PAK2: variants seen among roughly 807,000 people sequenced by gnomAD.
PAK2 encodes the protein serine/threonine-protein kinase PAK 2.
Under a neutral mutation model 65.9 loss-of-function variants are expected in PAK2, and 21 were observed. That is an observed-to-expected ratio of 0.32 (90% CI 0.23 to 0.46). PAK2 has a LOEUF of 0.46. Ranked by LOEUF, PAK2 falls within the 20% of genes least tolerant of loss-of-function variation. The probability of loss-of-function intolerance (pLI) is 1.00; values close to 1 mark genes in which losing one functional copy is unlikely to be tolerated. For synonymous variants in PAK2, 204 were observed against 219.7 expected (o/e 0.93, Z 0.63); for missense variants, 324 against 642.6 (o/e 0.50, Z 5.36).
chr3:196,753,344 A>G (rs1713669273), intron 1 of PAK2, among the ~76,000 whole-genome samples: 1 of 152,076 alleles, frequency 6.6e-6, no homozygotes, highest in South Asian at 2.1e-4. Context: ...GCAGTCTTTC[A>G]GGCAGTCCTC....
At chr3:196,740,606 T>C (rs1713158142) in intron 1 of PAK2, among the ~76,000 whole-genome samples, 1 of 152,228 alleles carries the variant, frequency 6.6e-6, no homozygotes, top group Admixed American at 6.5e-5. Context: ...CCCGTTTCAC[T>C]GCTCAGGAAT....
At chr3:196,795,067 A>T (rs903561696) in intron 2 of PAK2, among the ~76,000 whole-genome samples, 1 of 152,248 alleles carries the variant, frequency 6.6e-6, no homozygotes, top group Non-Finnish European at 1.5e-5. Flanking sequence ...AAATTTAATG[A>T]AAACTGTAAA....
At chr3:196,745,628 CG>C (rs992655854) in intron 1 of PAK2, among the ~76,000 whole-genome samples, 43 of 152,058 alleles carry the variant, frequency 2.8e-4, no homozygotes, top group African/African-American at 1.0e-3. Context: ...GCCTAACCAA[CG>C]TGGTGAAACC....
intron 1 of PAK2, among the ~76,000 whole-genome samples, chr3:196,740,464 G>A (rs1342393163): frequency 6.6e-6 from 1 of 151,790 alleles, no homozygotes; most frequent in Non-Finnish European, 1.5e-5. Context: ...GCCGACTCTC[G>A]GTCTTCCCTC....
rs1488423733 is a variant in PAK2, at chr3:196,830,047, CT to C, written c.*1643del. On this transcript the variant is annotated 3_prime_UTR_variant, in exon 15 of 15. Transcript: ENST00000327134. ...TCCCCTTCCCCCATTAACTTCCCCC[CT>C]GCTTGCCATCCTGCAGTAGTATAAA... The C allele has an allele frequency of 2.0e-5, 3 of 151,150 alleles. No individual in the cohort carries two copies. Among genetic ancestry groups the C allele is most frequent in the Non-Finnish European group, 4.4e-5 (3 of 67,888 alleles). The allele number at this position is 151,150 out of a possible 1,614,324, so 9.4% of individuals were successfully genotyped here.
At chr3:196,824,678 A>G (rs1711770566) in intron 13 of PAK2, among the ~76,000 whole-genome samples, 1 of 152,054 alleles carries the variant, frequency 6.6e-6, no homozygotes, top group Non-Finnish European at 1.5e-5. Flanking sequence ...GAGAGCATTC[A>G]TTTGTCAAAG....
chr3:196,751,663 T>TTATA (rs201042737), intron 1 of PAK2, among the ~76,000 whole-genome samples: 1 of 45,748 alleles, frequency 2.2e-5, no homozygotes, highest in African/African-American at 1.1e-4. Flanking sequence ...ACACACAAAT[T>TTATA]TATTTATATA....
intron 2 of PAK2, among the ~76,000 whole-genome samples, chr3:196,785,757 C>T (rs920832509): frequency 4.6e-5 from 7 of 152,194 alleles, no homozygotes; most frequent in South Asian, 4.1e-4. Flanking sequence ...ACAATTATGG[C>T]GGAAGGCAAG....
At chr3:196,815,526 C>T (rs976298547) in intron 11 of PAK2, among the ~76,000 whole-genome samples, 8 of 150,962 alleles carry the variant, frequency 5.3e-5, no homozygotes, top group Admixed American at 4.6e-4. Flanking sequence ...CAGTGTCTCT[C>T]GCCTGTAATA....
chr3:196,801,699 G>C (rs958005535), intron 2 of PAK2, among the ~76,000 whole-genome samples: 2 of 152,060 alleles, frequency 1.3e-5, no homozygotes, highest in Admixed American at 1.3e-4. Flanking sequence ...CGGGCATGGT[G>C]GTGGGCACCT....
intron 1 of PAK2, among the ~76,000 whole-genome samples, chr3:196,763,547 C>T (rs567387894): frequency 8.9e-4 from 136 of 152,198 alleles, no homozygotes; most frequent in Non-Finnish European, 1.7e-3. Flanking sequence ...AGATCAGTAA[C>T]TGGCAGGAGA....
At chr3:196,751,695 A>ATATATATATATATATAT (rs201718807) in intron 1 of PAK2, among the ~76,000 whole-genome samples, 1 of 65,704 alleles carries the variant, frequency 1.5e-5, no homozygotes, top group Non-Finnish European at 3.0e-5. Flanking sequence ...ATATATATAT[A>ATATATATATATATATAT]ATTCAGGCTA....
intron 2 of PAK2, among the ~76,000 whole-genome samples, chr3:196,794,348 T>A (rs866099609): frequency 2.0e-5 from 3 of 152,066 alleles, no homozygotes; most frequent in Admixed American, 6.5e-5. Context: ...ACTAAGATGA[T>A]CACCAGCAAC....
chr3:196,825,867 G>C (rs1711845879), intron 13 of PAK2, among the ~76,000 whole-genome samples: 1 of 152,122 alleles, frequency 6.6e-6, no homozygotes, highest in South Asian at 2.1e-4. Flanking sequence ...TTTTGAGACA[G>C]AGTCTTGCTG....
intron 2 of PAK2, among the ~76,000 whole-genome samples, chr3:196,794,447 C>G (rs941660113): frequency 1.3e-5 from 2 of 152,200 alleles, no homozygotes; most frequent in Non-Finnish European, 2.9e-5. Flanking sequence ...ATCGGACTTC[C>G]GTATCTGCAA....
intron 1 of PAK2, among the ~76,000 whole-genome samples, chr3:196,742,002 CA>C (rs1476003190): frequency 6.6e-6 from 1 of 151,852 alleles, no homozygotes; most frequent in African/African-American, 2.4e-5. Context: ...AACCCAAATT[CA>C]AAATTAAGTT....
At chr3:196,764,358 A>C (rs905344154) in intron 1 of PAK2, among the ~76,000 whole-genome samples, 9 of 152,022 alleles carry the variant, frequency 5.9e-5, no homozygotes, top group Non-Finnish European at 1.0e-4. Context: ...GCTCACACCT[A>C]TAATCCCAGC....
intron 1 of PAK2, among the ~76,000 whole-genome samples, chr3:196,755,700 C>T (rs547836509): frequency 6.6e-5 from 10 of 152,176 alleles, no homozygotes; most frequent in South Asian, 2.1e-4. Flanking sequence ...TCAGGTGATC[C>T]GCCTGCCTCA....
intron 1 of PAK2, among the ~76,000 whole-genome samples, chr3:196,751,696 A>ATATATAAAATTACC (rs1713603033): frequency 1.4e-5 from 1 of 72,660 alleles, no homozygotes; most frequent in African/African-American, 6.7e-5. Flanking sequence ...TATATATATA[A>ATATATAAAATTACC]TTCAGGCTAT....
Sources: gnomAD v4.1 joint callset for allele counts (sites outside exome capture counted in the v4.1 genomes callset) on GRCh38, gnomAD v4.1.1 for gene constraint, MANE v1.5 for transcripts, NCBI Gene and HGNC (gene_info 2026-07-23, HGNC 2026-07-21) for gene names.